Variants in PLEKHA7 observed in about 807,000 individuals in gnomAD.
PLEKHA7 encodes the protein pleckstrin homology domain containing A7.
PLEKHA7 carries 104 observed loss-of-function variants against 170.0 expected under a neutral mutation model. That is an observed-to-expected ratio of 0.61 (90% confidence interval 0.52 to 0.72). The LOEUF is 0.72. Ranked by LOEUF, PLEKHA7 falls within the 30% of genes least tolerant of loss-of-function variation. PLEKHA7 has a pLI of 0.00. For synonymous variants in PLEKHA7, 648 were observed against 660.8 expected, an observed-to-expected ratio of 0.98 and a Z score of 0.30; for missense variants, 1,615 against 1,671.7, an observed-to-expected ratio of 0.97 and a Z score of 0.59.
intron 3 of PLEKHA7, among the ~76,000 whole-genome samples, chr11:16,950,910 G>A (rs531818090): frequency 1.1e-4 from 16 of 152,052 alleles, no homozygotes; most frequent in South Asian, 2.1e-4. Flanking sequence ...GCATTTTCAC[G>A]ACACTCAGGA....
chr11:16,813,033 G>T, intron 13 of PLEKHA7, 80 bp downstream of exon 13: 3 of 1,285,154 alleles, frequency 2.3e-6, no homozygotes, highest in Non-Finnish European at 3.4e-6. Context: ...CTGGCCTTTG[G>T]CTTTGGGCTT....
chr11:16,786,078 C>A (rs1314864836), intron 24 of PLEKHA7, 151 bp downstream of exon 24: 13 of 914,882 alleles, frequency 1.4e-5, no homozygotes, highest in Admixed American at 2.9e-5. Context: ...CCTTTCATTG[C>A]CTTAAGCTGC....
intron 3 of PLEKHA7, among the ~76,000 whole-genome samples, chr11:16,973,414 C>G (rs1273682425): frequency 6.6e-6 from 1 of 152,198 alleles, no homozygotes; most frequent in Non-Finnish European, 1.5e-5. Flanking sequence ...AGATCGACCC[C>G]CTTCACACCA....
chr11:16,919,105 C>A (rs1565115318), intron 3 of PLEKHA7, among the ~76,000 whole-genome samples: 1 of 151,998 alleles, frequency 6.6e-6, no homozygotes, highest in African/African-American at 2.4e-5. Flanking sequence ...TTCCAGCTAC[C>A]TGGGAGGCTG....
chr11:16,789,697 C>T lies in PLEKHA7; in HGVS notation c.3156+78G>A. 1 of 1,314,908 alleles carries T rather than the reference C, an allele frequency of 7.6e-7. No individual in the cohort carries two copies. Among genetic ancestry groups the T allele is most frequent in the Non-Finnish European group, 1.1e-6 (1 of 930,594 alleles). 81.5% of individuals were successfully genotyped at this position (1,314,908 alleles called of 1,614,324 possible). ...CCATCCCCAGGGCTGAAGGGATGGC[C>T]AGTTACTGTCCCCCTGGGAGACCCT... is the stretch of plus-strand genomic sequence containing the variant. On this transcript the variant is annotated intron_variant, in intron 22 of 26. Transcript: ENST00000531066. This position sits in a 1 kb window ranked among gnomAD's most constrained non-coding sequence, Gnocchi z 4.6.
Position 16,889,430 on chromosome 11 carries a change from T to A in PLEKHA7, c.222-18248A>T, listed in dbSNP as rs1448984234. Among the ~76,000 whole-genome samples, 197 of 115,196 alleles carry A rather than the reference T, an allele frequency of 1.7e-3. 1 individual carries two copies. Among genetic ancestry groups the A allele is most frequent in the African/African-American group, 4.0e-3 (131 of 32,612 alleles). The allele number at this position is 115,196 out of a possible 152,430, so 75.6% of individuals were successfully genotyped here. On this transcript the variant is annotated intron_variant, in intron 3 of 26. Coordinates refer to ENST00000531066, the MANE Select transcript of PLEKHA7 (RefSeq NM_001329630.2). ...AAAAAAAAAAAAAAAAATATATATATATATATATATATATATGAACTATTA... is the reference window on the plus strand; with the variant it reads ...AAAAAAAAAAAAAAAAATATATATAAATATATATATATATATGAACTATTA...
rs542231817 is a variant in PLEKHA7, at chr11:16,788,781, C to T, written c.3357+315G>A. Reference sequence around the variant, plus strand: ...CCTCTCCTCTCTGAACCCTGTATTCCCAGGTCCTGAATTCAGCCGAGATTC... The same window carrying T: ...CCTCTCCTCTCTGAACCCTGTATTCTCAGGTCCTGAATTCAGCCGAGATTC... On this transcript the variant is annotated intron_variant, in intron 23 of 26. Coordinates refer to ENST00000531066, the MANE Select transcript of PLEKHA7 (RefSeq NM_001329630.2). The T allele has an allele frequency of 1.5e-5, 7 of 458,668 alleles. No individual in the cohort carries two copies. In the South Asian group the frequency reaches 1.8e-4, roughly 12 times the overall value. 28.4% of individuals were successfully genotyped at this position (458,668 alleles called of 1,614,324 possible). A position where few individuals can be genotyped will look rare whatever the true frequency, so the allele number is the denominator to read the frequency against.
At chr11:16,911,568 A>G (rs540520943) in intron 3 of PLEKHA7, among the ~76,000 whole-genome samples, 21 of 152,300 alleles carry the variant, frequency 1.4e-4, no homozygotes, top group African/African-American at 4.8e-4. Flanking sequence ...TCATGGCAGT[A>G]GTCTTGTCCC....
intron 8 of PLEKHA7, among the ~76,000 whole-genome samples, chr11:16,849,925 C>T (rs1264915080): frequency 6.6e-6 from 1 of 152,182 alleles, no homozygotes; most frequent in East Asian, 1.9e-4. Context: ...TGAGTAAAGC[C>T]ACAGCATCAG....
At chr11:16,779,153 C>G (rs1192196439) in intron 26 of PLEKHA7, 133 bp from the exon 27 acceptor site, 30 of 680,066 alleles carry the variant, frequency 4.4e-5, no homozygotes, top group Non-Finnish European at 8.1e-5. Context: ...GCGGCCGCTG[C>G]TGGGGGACCC....
At chr11:16,891,141 C>T (rs1470751520) in intron 3 of PLEKHA7, among the ~76,000 whole-genome samples, 1 of 151,180 alleles carries the variant, frequency 6.6e-6, no homozygotes, top group African/African-American at 2.4e-5. Flanking sequence ...TCTCAAACTA[C>T]TGTACTCAGG....
intron 3 of PLEKHA7, among the ~76,000 whole-genome samples, chr11:16,969,225 G>C (rs1862563829): frequency 6.6e-6 from 1 of 152,098 alleles, no homozygotes; most frequent in Non-Finnish European, 1.5e-5. Context: ...TGAGCTGTGA[G>C]GGAGAAGCAG....
chr11:16,838,515 A>T (rs1460244156), intron 9 of PLEKHA7, among the ~76,000 whole-genome samples: 7 of 74,434 alleles, frequency 9.4e-5, no homozygotes, highest in South Asian at 3.4e-4. Context: ...TCTGTGTCTT[A>T]AAAAAAAAAA....
chr11:16,935,817 AT>A (rs1233544190), intron 3 of PLEKHA7, among the ~76,000 whole-genome samples: 3 of 152,046 alleles, frequency 2.0e-5, no homozygotes, highest in African/African-American at 7.2e-5. Flanking sequence ...TTTGTCTAGC[AT>A]TTTTTTTATC....
intron 3 of PLEKHA7, among the ~76,000 whole-genome samples, chr11:16,982,699 ACC>A (rs925769145): frequency 2.0e-5 from 3 of 151,518 alleles, no homozygotes; most frequent in African/African-American, 7.3e-5. Flanking sequence ...CCACGACCTG[ACC>A]CAGGCACAGG....
chr11:17,003,442 C>T (rs1864798389), intron 3 of PLEKHA7, among the ~76,000 whole-genome samples: 1 of 152,220 alleles, frequency 6.6e-6, no homozygotes, highest in Non-Finnish European at 1.5e-5. Context: ...CTTCACCCTG[C>T]CCCATAGCTG....
chr11:17,013,570 C>T (rs1236945539), intron 3 of PLEKHA7, among the ~76,000 whole-genome samples: 1 of 152,236 alleles, frequency 6.6e-6, no homozygotes, highest in Non-Finnish European at 1.5e-5. Flanking sequence ...CCTCTCCCCA[C>T]TCCAACCCCG....
intron 3 of PLEKHA7, among the ~76,000 whole-genome samples, chr11:16,974,417 T>C (rs1172674795): frequency 2.0e-4 from 30 of 152,092 alleles, no homozygotes; most frequent in Non-Finnish European, 1.5e-5. Flanking sequence ...CTTGACAGAC[T>C]GCGCAAAATA....
At chr11:16,995,693 C>T (rs547948127) in intron 3 of PLEKHA7, among the ~76,000 whole-genome samples, 1 of 152,232 alleles carries the variant, frequency 6.6e-6, no homozygotes, top group South Asian at 2.1e-4. Context: ...TGAATCTGAC[C>T]TCCCCTCTCC....
Sources: allele counts gnomAD v4.1 joint callset (sites outside exome capture counted in the v4.1 genomes callset), GRCh38; gene constraint gnomAD v4.1.1; non-coding constraint Gnocchi (gnomAD v3.1); transcripts MANE v1.5; gene names NCBI Gene and HGNC (gene_info 2026-07-23, HGNC 2026-07-21).